Variants in SPOCK1 observed in about 807,000 individuals in gnomAD.
SPOCK1 encodes SPARC (osteonectin), cwcv and kazal like domains proteoglycan 1, also known as testican-1.
In SPOCK1, 23 loss-of-function variants were observed where a neutral mutation model predicts 55.3. That is an observed-to-expected ratio of 0.42 (90% CI 0.30 to 0.59). SPOCK1 has a LOEUF of 0.59. SPOCK1 is among the 20% of genes least tolerant of loss of function. The probability of loss-of-function intolerance (pLI) is 0.22; values close to 1 mark genes in which losing one functional copy is unlikely to be tolerated. For synonymous variants in SPOCK1, 226 were observed against 221.0 expected (o/e 1.02, Z -0.20); for missense variants, 499 against 552.5 (o/e 0.90, Z 0.97).
At chr5:137,132,106 T>C (rs6596366) in intron 4 of SPOCK1, among the ~76,000 whole-genome samples, 53,534 of 115,822 alleles carry the variant, frequency 0.46, 11,867 homozygotes, top group Middle Eastern at 0.56. Flanking sequence ...ACCAGGGAGG[T>C]GGAGCTCGCA....
rs1476238093 is a variant in SPOCK1, at chr5:137,188,195, A to G, written c.233-47501T>C. ...CACGTATGTGGCCCCATTCTTCCCT[A>G]TCTTACACCTGCCCCCAACTTGCCG... On this transcript the variant is annotated intron_variant, in intron 3 of 10. Coordinates refer to ENST00000394945, the MANE Select transcript of SPOCK1 (RefSeq NM_004598.4). Among the ~76,000 whole-genome samples, 5 of 152,286 alleles carry G rather than the reference A, an allele frequency of 3.3e-5. No homozygotes were observed. In the East Asian group the frequency reaches 9.7e-4, roughly 29 times the overall value.
chr5:137,117,159 T>C (rs1336784150), intron 4 of SPOCK1, among the ~76,000 whole-genome samples: 1 of 152,214 alleles, frequency 6.6e-6, no homozygotes, highest in Non-Finnish European at 1.5e-5. Flanking sequence ...CTCATACCAG[T>C]TTTCCCTGCC....
At chr5:137,261,481 T>G (rs922014955) in intron 3 of SPOCK1, among the ~76,000 whole-genome samples, 1 of 152,182 alleles carries the variant, frequency 6.6e-6, no homozygotes, top group African/African-American at 2.4e-5. Flanking sequence ...TTTGTCAGGA[T>G]CTTGGTATAA....
At chr5:137,258,874 C>G (rs1379464863) in intron 3 of SPOCK1, among the ~76,000 whole-genome samples, 2 of 152,162 alleles carry the variant, frequency 1.3e-5, no homozygotes, top group African/African-American at 4.8e-5. Flanking sequence ...GGAGCACAAC[C>G]CAGAATGGCT....
intron 2 of SPOCK1, among the ~76,000 whole-genome samples, chr5:137,304,371 G>T (rs995419793): frequency 1.4e-4 from 21 of 152,148 alleles, no homozygotes; most frequent in Admixed American, 1.2e-3. Context: ...CAGCTCACAA[G>T]CCCTGCCCCA....
At chr5:137,473,446 G>C (rs1279213649) in intron 2 of SPOCK1, among the ~76,000 whole-genome samples, 2 of 152,162 alleles carry the variant, frequency 1.3e-5, no homozygotes, top group African/African-American at 2.4e-5. Context: ...AAGAAACACA[G>C]AAATAATAAA....
At chr5:137,022,811 C>G (rs1217791827) in intron 6 of SPOCK1, among the ~76,000 whole-genome samples, 1 of 152,148 alleles carries the variant, frequency 6.6e-6, no homozygotes, top group Non-Finnish European at 1.5e-5. Context: ...ATTTGGGTGG[C>G]CAGCGTTCTC....
intron 3 of SPOCK1, among the ~76,000 whole-genome samples, chr5:137,155,038 T>C (rs763573306): frequency 6.6e-6 from 1 of 152,194 alleles, no homozygotes; most frequent in Non-Finnish European, 1.5e-5. Flanking sequence ...AGAGGAGTGG[T>C]AACATCTCCC....
chr5:137,093,742 T>G (rs1267499818), intron 5 of SPOCK1, among the ~76,000 whole-genome samples: 1 of 152,096 alleles, frequency 6.6e-6, no homozygotes, highest in Non-Finnish European at 1.5e-5. Flanking sequence ...AACGGGATGT[T>G]CAAAACGCTG....
At chr5:137,438,650 G>GCACACACACA (rs3072679) in intron 2 of SPOCK1, among the ~76,000 whole-genome samples, 4 of 150,694 alleles carry the variant, frequency 2.7e-5, no homozygotes, top group African/African-American at 4.9e-5. Flanking sequence ...ATTTGCATAT[G>GCACACACACA]CACACACACA....
chr5:137,253,319 C>A (rs556733006), intron 3 of SPOCK1, among the ~76,000 whole-genome samples: 36 of 152,282 alleles, frequency 2.4e-4, no homozygotes, highest in African/African-American at 7.2e-4. Context: ...TTCTTTCTTA[C>A]TCCCTTGTAT....
At chr5:137,497,838 G>A (rs1437809017) in intron 2 of SPOCK1, among the ~76,000 whole-genome samples, 1 of 148,928 alleles carries the variant, frequency 6.7e-6, no homozygotes, top group Admixed American at 6.6e-5. Flanking sequence ...TGCCATGACC[G>A]CCTCCCTCAA....
rs1027229807 is a variant in SPOCK1 at position 137,104,536 on chromosome 5, G to C, written c.474+7899C>G. 4.1e-4 allele frequency among the ~76,000 whole-genome samples: 63 copies of C among 152,150 alleles called. 1 individual carries two copies. The highest frequency in any genetic ancestry group is 1.2e-4 in the Non-Finnish European group (8 of 68,022). On this transcript the variant is annotated intron_variant, in intron 5 of 10. Coordinates refer to ENST00000394945, the MANE Select transcript of SPOCK1 (RefSeq NM_004598.4). Reference sequence around the variant, plus strand: ...ATCCCCAAGGCCATGGACTGCTACTGGTCTGTGGTCTGTTAGGAACCGGCC... The same window carrying C: ...ATCCCCAAGGCCATGGACTGCTACTCGTCTGTGGTCTGTTAGGAACCGGCC...
intron 5 of SPOCK1, among the ~76,000 whole-genome samples, chr5:137,069,352 T>C (rs1380307255): frequency 6.6e-6 from 1 of 152,188 alleles, no homozygotes; most frequent in Non-Finnish European, 1.5e-5. Context: ...TTGTGCATAT[T>C]TGTTCAGTGC....
At chr5:137,093,994 G>A (rs1409685965) in intron 5 of SPOCK1, among the ~76,000 whole-genome samples, 1 of 152,232 alleles carries the variant, frequency 6.6e-6, no homozygotes, top group Admixed American at 6.5e-5. Flanking sequence ...ATGAGACCAT[G>A]CAATGTCCCT....
intron 5 of SPOCK1, among the ~76,000 whole-genome samples, chr5:137,104,486 C>T (rs1753328405): frequency 6.6e-6 from 1 of 152,134 alleles, no homozygotes; most frequent in Non-Finnish European, 1.5e-5. Flanking sequence ...AATCTACCAC[C>T]CAAATGCCTT....
intron 5 of SPOCK1, among the ~76,000 whole-genome samples, chr5:137,084,672 GAGA>G (rs1429149903): frequency 6.6e-6 from 1 of 151,828 alleles, no homozygotes; most frequent in South Asian, 2.1e-4. Context: ...AGCCACAGAG[GAGA>G]AGGTTAAACC....
chr5:137,066,564 G>A (rs910422427), intron 6 of SPOCK1, among the ~76,000 whole-genome samples: 3 of 152,304 alleles, frequency 2.0e-5, no homozygotes, highest in South Asian at 2.1e-4. Context: ...TCTGGGCTAC[G>A]TAGTTGCTTA....
intron 2 of SPOCK1, among the ~76,000 whole-genome samples, chr5:137,376,633 C>G (rs1420534893): frequency 6.6e-6 from 1 of 152,104 alleles, no homozygotes; most frequent in African/African-American, 2.4e-5. Flanking sequence ...ATGAAAAACC[C>G]CTTCTGGAGC....
Sources: gnomAD v4.1 joint callset for allele counts (sites outside exome capture counted in the v4.1 genomes callset) on GRCh38, gnomAD v4.1.1 for gene constraint, MANE v1.5 for transcripts, NCBI Gene and HGNC (gene_info 2026-07-23, HGNC 2026-07-21) for gene names.